EIF3L: variants seen among roughly 807,000 people sequenced by gnomAD.
EIF3L encodes eukaryotic translation initiation factor 3 subunit L, also known as eIEF associated protein HSPC021.
A neutral mutation model predicts 74.6 loss-of-function variants in EIF3L; 32 were observed. That is an observed-to-expected ratio of 0.43 (90% CI 0.32 to 0.58). The LOEUF is 0.58. EIF3L is among the 20% of genes least tolerant of loss of function. The pLI is 0.06. For missense variants in EIF3L, 474 were observed against 707.8 expected (o/e 0.67, Z 3.75); for synonymous variants, 256 against 254.4 (o/e 1.01, Z -0.06).
Position 37,877,883 on chromosome 22 carries a change from T to C in EIF3L, c.1287T>C (p.Asp429=). ...KFLSPVVPNY[D]NVHPNYHKEP... is the part of the protein sequence containing the mutation. ...TGTCGCCTGTAGTGCCCAACTATGA[T>C]AATGTGCACCCCAACTACCACAAAG... Residue 429 remains aspartate (D), a synonymous_variant, in exon 11 of 13, where the codon GAT becomes GAC. Transcript: ENST00000652021. The C allele has an allele frequency of 6.2e-7, 1 of 1,613,250 alleles. No individual in the cohort carries two copies. Among genetic ancestry groups the C allele is most frequent in the Non-Finnish European group, 8.5e-7 (1 of 1,179,846 alleles).
At chr22:37,878,318 C>A in intron 11 of EIF3L, 147 bp downstream of exon 11, 1 of 1,007,760 alleles carries the variant, frequency 9.9e-7, no homozygotes. Context: ...TGGCTCATGC[C>A]AGTAATACTA....
rs575688939 is a variant in EIF3L at position 37,856,412 on chromosome 22, C to T, written c.373+768C>T. Among the ~76,000 whole-genome samples the T allele has an allele frequency of 5.3e-5, 8 of 152,190 alleles. No individual in the cohort carries two copies. The East Asian group carries it at 9.7e-4, about 18-fold the overall frequency. On this transcript the variant is annotated intron_variant, in intron 4 of 12. Transcript: ENST00000652021. ...ATTTTTAAAAATTTTTTGTAGATACCGGGTCACACTTTGTTGACCTGGCTG... is the reference window on the plus strand; with the variant it reads ...ATTTTTAAAAATTTTTTGTAGATACTGGGTCACACTTTGTTGACCTGGCTG...
chr22:37,878,356 G>A lies in EIF3L; in HGVS notation c.1575+185G>A, dbSNP rs1926863237. On this transcript the variant is annotated intron_variant, in intron 11 of 12. Coordinates refer to ENST00000652021, the MANE Select transcript of EIF3L (RefSeq NM_016091.4). ...ACTTTAGGGGAGGCTGGGGTGGGAGGATCACTCTAGCCCAGGAGTTCAAGA... is the reference window on the plus strand; with the variant it reads ...ACTTTAGGGGAGGCTGGGGTGGGAGAATCACTCTAGCCCAGGAGTTCAAGA... 3 of 661,046 alleles carry A rather than the reference G, an allele frequency of 4.5e-6. No homozygotes were observed. The Admixed American group carries it at 1.0e-4, about 23-fold the overall frequency. 40.9% of individuals were successfully genotyped at this position (661,046 alleles called of 1,614,324 possible). A position where few individuals can be genotyped will look rare whatever the true frequency, so the allele number is the denominator to read the frequency against.
chr22:37,869,305 GT>G (rs1201715266), intron 7 of EIF3L, among the ~76,000 whole-genome samples: 3 of 151,990 alleles, frequency 2.0e-5, no homozygotes, highest in African/African-American at 7.3e-5. Flanking sequence ...ATTCGTTTGT[GT>G]TTTTTATAGC....
At chr22:37,868,696 G>A (rs1290825111) in intron 7 of EIF3L, among the ~76,000 whole-genome samples, 1 of 126,392 alleles carries the variant, frequency 7.9e-6, no homozygotes, top group African/African-American at 3.1e-5. Flanking sequence ...AGGCTGGAGT[G>A]CAATGGTGCG....
rs1012145731 is a variant in EIF3L at position 37,877,978 on chromosome 22, G to A, written c.1382G>A (p.Arg461His). Residue 461 changes from arginine to histidine, a missense_variant, in exon 11 of 13, where the codon CGC becomes CAC. Arg to His is a conservative substitution (Grantham distance 29). This residue lies in a region of EIF3L where 293 missense variants were observed against 469.1 expected (regional missense o/e 0.62). Transcript: ENST00000652021. The part of the protein sequence containing the change: ...VQQQAQLSTI[R>H]SFLKLYTTMP... ...CAGCAGGCCCAGCTTTCAACCATCC[G>A]CAGCTTCCTGAAGCTCTACACCACC... The A allele has an allele frequency of 6.2e-7, 1 of 1,612,638 alleles. No homozygotes were observed. Among genetic ancestry groups the A allele is most frequent in the Non-Finnish European group, 8.5e-7 (1 of 1,179,846 alleles).
chr22:37,854,095 A>G (rs1464824029), intron 3 of EIF3L, among the ~76,000 whole-genome samples: 1 of 152,228 alleles, frequency 6.6e-6, no homozygotes, highest in Non-Finnish European at 1.5e-5. Context: ...GTGAGAAGAA[A>G]TGCTGGTGCC....
At position 37,888,899 on chromosome 22, in the gene EIF3L, T is replaced by G. The variant is rs2145851076; in HGVS notation, c.*435T>G. 6.1e-6 allele frequency: 1 copy of G among 164,032 alleles called. No homozygotes were observed. The highest frequency in any genetic ancestry group is 1.6e-4 in the South Asian group (1 of 6,248). The allele number at this position is 164,032 out of a possible 1,614,324, so 10.2% of individuals were successfully genotyped here. ...GGATTACAGGCGTGTGCCACCACAC[T>G]CAGCTAATTTTTGTATTCTCAGTAG... On this transcript the variant is annotated 3_prime_UTR_variant, in exon 13 of 13. Coordinates refer to ENST00000652021, the MANE Select transcript of EIF3L (RefSeq NM_016091.4).
In EIF3L at chr22:37,849,665, C is replaced by A. The variant is rs540609238; in HGVS notation, c.33+183C>A. 6 of 674,082 alleles carry A rather than the reference C, an allele frequency of 8.9e-6. No homozygotes were observed. The African/African-American group carries it at 9.0e-5, about 10-fold the overall frequency. 41.8% of individuals were successfully genotyped at this position (674,082 alleles called of 1,614,324 possible). On this transcript the variant is annotated intron_variant, in intron 1 of 12. Transcript: ENST00000652021. ...CAACCCTGGCTCTGCCCGCCCACTT[C>A]GCGTGTTCGATTGGCTTGTCCTTCC...
At chr22:37,878,541 G>A (rs1228915193) in intron 11 of EIF3L, 3 of 162,504 alleles carry the variant, frequency 1.8e-5, no homozygotes, top group Admixed American at 1.2e-4. Flanking sequence ...TCGGCTCACC[G>A]CAACCTCCGC....
At chr22:37,854,394 G>C (rs917135886) in intron 3 of EIF3L, among the ~76,000 whole-genome samples, 1 of 152,188 alleles carries the variant, frequency 6.6e-6, no homozygotes, top group African/African-American at 2.4e-5. Flanking sequence ...GGGTGAGAAA[G>C]GGGAATTGGT....
chr22:37,849,856 C>T (rs1925074862), intron 1 of EIF3L, 159 bp from the exon 2 acceptor site: 2 of 744,244 alleles, frequency 2.7e-6, no homozygotes, highest in South Asian at 1.6e-5. Context: ...TGTCTGTTTA[C>T]TGTCCCTTTT....
chr22:37,868,916 A>G (rs776780252), intron 7 of EIF3L, among the ~76,000 whole-genome samples: 11 of 151,868 alleles, frequency 7.2e-5, no homozygotes, highest in Non-Finnish European at 1.6e-4. Flanking sequence ...TGCTGGGATT[A>G]CAGGCATGAG....
intron 4 of EIF3L, among the ~76,000 whole-genome samples, chr22:37,856,145 C>T (rs1569111471): frequency 6.6e-6 from 1 of 152,060 alleles, no homozygotes; most frequent in South Asian, 2.1e-4. Flanking sequence ...GCAACCTCCG[C>T]CTCCCAGGTT....
At chr22:37,872,983 T>C (rs1004226732) in intron 8 of EIF3L, among the ~76,000 whole-genome samples, 8 of 152,100 alleles carry the variant, frequency 5.3e-5, no homozygotes, top group African/African-American at 1.9e-4. Flanking sequence ...CTTTTTTCCT[T>C]CTTTTTTTAT....
chr22:37,878,109 G>A lies in EIF3L; in HGVS notation c.1513G>A (p.Gly505Ser), dbSNP rs771251436. Residue 505 changes from glycine to serine, a missense_variant, in exon 11 of 13, where the codon GGT becomes AGT. Around this residue, in one of 4 missense-constraint regions of EIF3L, gnomAD observed 293 missense variants for 469.1 expected, o/e 0.62. Transcript: ENST00000652021. ...HKMKNLVWTS[G>S]ISALDGEFQS... ...GATGAAGAACCTCGTGTGGACCAGC[G>A]GTATCTCAGCCCTGGATGGTGAATT... is the stretch of plus-strand genomic sequence containing the variant. The A allele has an allele frequency of 9.3e-6, 15 of 1,614,038 alleles. No individual in the cohort carries two copies. The highest frequency in any genetic ancestry group is 4.5e-5 in the East Asian group (2 of 44,884).
intron 11 of EIF3L, chr22:37,882,482 T>C (rs1488306843): frequency 6.6e-6 from 1 of 152,012 alleles, no homozygotes; most frequent in Non-Finnish European, 1.5e-5. Flanking sequence ...AAGACCTGCC[T>C]GTGCAACATG....
intron 5 of EIF3L, among the ~76,000 whole-genome samples, chr22:37,862,127 C>T (rs1475022931): frequency 6.6e-6 from 1 of 152,178 alleles, no homozygotes; most frequent in East Asian, 1.9e-4. Flanking sequence ...TGAGCCACTG[C>T]GCCCAGCTAT....
At position 37,871,868 on chromosome 22, in the gene EIF3L, CG is replaced by C. The variant is rs761486681; in HGVS notation, c.751+1525del. On this transcript the variant is annotated intron_variant, in intron 8 of 12. Coordinates refer to ENST00000652021, the MANE Select transcript of EIF3L (RefSeq NM_016091.4). ...TTAGTGACAGAGCGAGACTCTGTCTCGGGGAAAAAAAAAAAAAAAAAAAAGA... is the reference window on the plus strand; with the variant it reads ...TTAGTGACAGAGCGAGACTCTGTCTCGGGAAAAAAAAAAAAAAAAAAAAGA... Among the ~76,000 whole-genome samples, 386 of 89,248 alleles carry C rather than the reference CG, an allele frequency of 4.3e-3. 4 individuals are homozygous for C. The highest frequency in any genetic ancestry group is 0.02 in the Middle Eastern group (3 of 148). 58.6% of individuals were successfully genotyped at this position (89,248 alleles called of 152,430 possible). A position where few individuals can be genotyped will look rare whatever the true frequency, so the allele number is the denominator to read the frequency against.
Sources: allele counts gnomAD v4.1 joint callset (sites outside exome capture counted in the v4.1 genomes callset), GRCh38; gene constraint gnomAD v4.1.1; regional missense constraint gnomAD v4.1.1; transcripts MANE v1.5; gene names NCBI Gene and HGNC (gene_info 2026-07-23, HGNC 2026-07-21).